DOCK1: variants seen among roughly 807,000 people sequenced by gnomAD.
DOCK1 encodes dedicator of cytokinesis protein 1.
A neutral mutation model predicts 262.7 loss-of-function variants in DOCK1; 138 were observed. That is an observed-to-expected ratio of 0.53 (90% CI 0.46 to 0.61). DOCK1 has a LOEUF of 0.61. DOCK1 is among the 20% of genes least tolerant of loss of function. The pLI, the probability that DOCK1 is intolerant of heterozygous loss-of-function variation, is 0.00. For synonymous variants in DOCK1, 866 were observed against 867.4 expected (o/e 1.00, Z 0.03); for missense variants, 1,908 against 2,370.7 (o/e 0.80, Z 4.05).
intron 21 of DOCK1, among the ~76,000 whole-genome samples, chr10:127,043,636 G>C: frequency 6.6e-6 from 1 of 152,208 alleles, no homozygotes; most frequent in Admixed American, 6.5e-5. Flanking sequence ...AGCTGTCACT[G>C]TCTTGGATTC....
At chr10:127,195,698 G>A (rs1223312828) in intron 27 of DOCK1, among the ~76,000 whole-genome samples, 1 of 152,000 alleles carries the variant, frequency 6.6e-6, no homozygotes, top group Non-Finnish European at 1.5e-5. Context: ...AACCCACATC[G>A]CAGAGGCGCA....
chr10:127,133,720 C>G (rs181038845), intron 27 of DOCK1, among the ~76,000 whole-genome samples: 1 of 152,212 alleles, frequency 6.6e-6, no homozygotes, highest in African/African-American at 2.4e-5. Flanking sequence ...CAAAACCAGA[C>G]TGCCTTAAGT....
Position 126,989,072 on chromosome 10 carries a change from CA to C in DOCK1, c.325-1367del, listed in dbSNP as rs5788816. ...TGAGTAACAGAGCGAGACCCCTTCT[CA>C]AAAAAAAAAAAAAAATGCATTTTTT... On this transcript the variant is annotated intron_variant, in intron 5 of 51. Transcript: ENST00000623213. 5.0e-3 allele frequency among the ~76,000 whole-genome samples: 641 copies of C among 129,012 alleles called. 4 individuals carry two copies. The highest frequency in any genetic ancestry group is 0.012 in the African/African-American group (407 of 34,712). 84.6% of individuals were successfully genotyped at this position (129,012 alleles called of 152,430 possible).
At chr10:127,138,079 C>T (rs778448557) in intron 27 of DOCK1, 159 of 1,457,262 alleles carry the variant, frequency 1.1e-4, no homozygotes, top group Non-Finnish European at 1.4e-4. Context: ...GAAGATCCCT[C>T]TTAGTGTCAG....
chr10:126,968,947 A>T (rs899550610), intron 1 of DOCK1, among the ~76,000 whole-genome samples: 1 of 152,216 alleles, frequency 6.6e-6, no homozygotes, highest in African/African-American at 2.4e-5. Context: ...AGGAAATAGA[A>T]TTTTCAATAT....
intron 27 of DOCK1, among the ~76,000 whole-genome samples, chr10:127,232,400 G>A (rs1186475005): frequency 6.6e-6 from 1 of 152,114 alleles, no homozygotes; most frequent in African/African-American, 2.4e-5. Context: ...GGATACTGTG[G>A]CTGGAGCAAT....
intron 27 of DOCK1, among the ~76,000 whole-genome samples, chr10:127,209,643 G>T (rs2057883701): frequency 6.6e-6 from 1 of 152,146 alleles, no homozygotes. Context: ...CCTTTCATTT[G>T]TAAATGATGG....
rs74568646 is a variant in DOCK1 at position 127,237,401 on chromosome 10, T to C, written c.2848-10607T>C. Reference sequence around the variant, plus strand: ...AAAGACAAAGAGTATTATAAACTAATGAAAAGAGCGAGGGTGATGTTGGGA... The same window carrying C: ...AAAGACAAAGAGTATTATAAACTAACGAAAAGAGCGAGGGTGATGTTGGGA... On this transcript the variant is annotated intron_variant, in intron 27 of 51. Coordinates refer to ENST00000623213, the MANE Select transcript of DOCK1 (RefSeq NM_001290223.2). Among the ~76,000 whole-genome samples the C allele has an allele frequency of 5.9e-3, 889 of 150,346 alleles. 1 individual carries two copies. The highest frequency in any genetic ancestry group is 0.014 in the Middle Eastern group (4 of 290).
chr10:127,423,317 A>G lies in DOCK1; in HGVS notation c.4777-2557A>G, dbSNP rs192780358. ...CATGTGCAGAGTTTTCATCACCGAT[A>G]TATAATAAGCTCAGCTCTGATGCAT... On this transcript the variant is annotated intron_variant, in intron 46 of 51. Transcript: ENST00000623213. Among the ~76,000 whole-genome samples, 939 of 152,276 alleles carry G rather than the reference A, an allele frequency of 6.2e-3. 14 individuals are homozygous for G. Among genetic ancestry groups the G allele is most frequent in the Middle Eastern group, 0.055 (16 of 292 alleles).
At chr10:127,153,651 G>C (rs959121780) in intron 27 of DOCK1, among the ~76,000 whole-genome samples, 2 of 152,156 alleles carry the variant, frequency 1.3e-5, no homozygotes, top group Non-Finnish European at 2.9e-5. Context: ...AAGATAAATG[G>C]GTTCAAGCTC....
intron 12 of DOCK1, chr10:127,015,281 T>A (rs190652092): frequency 6.6e-6 from 1 of 152,078 alleles, no homozygotes; most frequent in East Asian, 1.9e-4. Flanking sequence ...GGCCTCTCCC[T>A]CTGGTCTTCG....
At chr10:127,153,825 A>C (rs767074417) in intron 27 of DOCK1, 11 of 1,540,450 alleles carry the variant, frequency 7.1e-6, no homozygotes, top group Non-Finnish European at 4.5e-6. Context: ...ATAATAAGAA[A>C]GTGGGAAGAG....
chr10:127,042,848 A>ATT, intron 20 of DOCK1, 134 bp downstream of exon 20: 1 of 987,506 alleles, frequency 1.0e-6, no homozygotes, highest in South Asian at 1.6e-5. Flanking sequence ...TCAGAGATGA[A>ATT]TTGGGGTGGC....
Position 127,415,230 on chromosome 10 carries a change from G to A in DOCK1, c.4507G>A (p.Val1503Ile). The A allele has an allele frequency of 6.2e-7, 1 of 1,613,294 alleles. No homozygotes were observed. Residue 1503 changes from valine (V) to isoleucine (I), a missense_variant, in exon 44 of 52, where the codon GTT becomes ATT. Physicochemically the swap from Val to Ile is conservative, Grantham distance 29 (BLOSUM62 3). Around this residue, in one of 9 missense-constraint regions of DOCK1, gnomAD observed 57 missense variants for 103.1 expected, o/e 0.55. Transcript: ENST00000623213. ...GILRWFEVKS[V>I]FMVEISPLEN... ...TTTAAGGTGGTTTGAGGTCAAGTCT[G>A]TTTTCATGGTAAGGATGGCCCCACC...
intron 40 of DOCK1, among the ~76,000 whole-genome samples, chr10:127,407,287 A>G (rs746849969): frequency 1.8e-4 from 27 of 152,168 alleles, no homozygotes; most frequent in Non-Finnish European, 3.4e-4. Context: ...GGGAAGTCCA[A>G]GATCAAGGTG....
chr10:127,151,147 C>T (rs2052445925), intron 27 of DOCK1, among the ~76,000 whole-genome samples: 1 of 152,096 alleles, frequency 6.6e-6, no homozygotes, highest in African/African-American at 2.4e-5. Flanking sequence ...ACATAATAAC[C>T]ACCTTAAGAG....
At chr10:127,081,647 G>A (rs2046905137) in intron 23 of DOCK1, among the ~76,000 whole-genome samples, 1 of 152,102 alleles carries the variant, frequency 6.6e-6, no homozygotes, top group South Asian at 2.1e-4. Context: ...TTCAATTGCT[G>A]TGGATTTCCT....
intron 3 of DOCK1, among the ~76,000 whole-genome samples, chr10:126,980,232 G>C (rs1408784081): frequency 6.6e-6 from 1 of 151,942 alleles, no homozygotes; most frequent in African/African-American, 2.4e-5. Context: ...TCACTTTGTG[G>C]CTCAGACTGA....
intron 27 of DOCK1, among the ~76,000 whole-genome samples, chr10:127,220,134 T>G (rs1173860201): frequency 6.6e-6 from 1 of 151,868 alleles, no homozygotes; most frequent in East Asian, 1.9e-4. Flanking sequence ...TCCTTCCACT[T>G]TTGCATCCTA....
Sources: allele counts gnomAD v4.1 joint callset (sites outside exome capture counted in the v4.1 genomes callset), GRCh38; gene constraint gnomAD v4.1.1; regional missense constraint gnomAD v4.1.1; transcripts MANE v1.5; gene names NCBI Gene and HGNC (gene_info 2026-07-23, HGNC 2026-07-21).